EPHA3: variants seen among roughly 807,000 people sequenced by gnomAD.
The protein encoded by EPHA3 is EPH receptor A3.
A neutral mutation model predicts 107.1 loss-of-function variants in EPHA3; 42 were observed. The observed-to-expected ratio is 0.39, with a 90% CI of 0.31 to 0.51. EPHA3 has a LOEUF of 0.51. Among genes scored for constraint, EPHA3 ranks in the 20% least tolerant of loss-of-function variants. EPHA3 has a pLI of 0.78. For missense variants in EPHA3, 1,183 were observed against 1,211.2 expected, an observed-to-expected ratio of 0.98 and a Z score of 0.35; for synonymous variants, 461 against 424.8, an observed-to-expected ratio of 1.09 and a Z score of -1.05.
intron 2 of EPHA3, among the ~76,000 whole-genome samples, chr3:89,162,742 G>A (rs141922763): frequency 6.6e-6 from 1 of 152,310 alleles, no homozygotes; most frequent in African/African-American, 2.4e-5. Context: ...ACTGAGAGGG[G>A]CTTTTAGAAA....
chr3:89,300,075 A>T (rs1706446646), intron 3 of EPHA3, among the ~76,000 whole-genome samples: 1 of 152,074 alleles, frequency 6.6e-6, no homozygotes, highest in Non-Finnish European at 1.5e-5. Context: ...CCAGGACTTG[A>T]TTCACAGTAC....
intron 3 of EPHA3, among the ~76,000 whole-genome samples, chr3:89,230,828 A>T (rs35669065): frequency 0.13 from 18,166 of 141,870 alleles, 1,222 homozygotes; most frequent in African/African-American, 0.23. Context: ...TCTCTCTCAC[A>T]CACACACACA....
chr3:89,162,942 G>A (rs1167349889), intron 2 of EPHA3, among the ~76,000 whole-genome samples: 1 of 152,238 alleles, frequency 6.6e-6, no homozygotes, highest in East Asian at 1.9e-4. Flanking sequence ...CTTCAATGAA[G>A]AGGTATTCAG....
intron 2 of EPHA3, among the ~76,000 whole-genome samples, chr3:89,136,330 C>CTTTTTTTTGTTTTTTTTTTTTTT (rs1704310510): frequency 4.3e-5 from 1 of 23,370 alleles, no homozygotes; most frequent in African/African-American, 1.7e-4. Flanking sequence ...ATCTTACAGG[C>CTTTTTTTTGTTTTTTTTTTTTTT]TTTTTTTTTT....
At chr3:89,361,352 C>T (rs1221828395) in intron 5 of EPHA3, among the ~76,000 whole-genome samples, 1 of 150,834 alleles carries the variant, frequency 6.6e-6, no homozygotes, top group Non-Finnish European at 1.5e-5. Flanking sequence ...GACAGAACCA[C>T]AGATGTTCAG....
chr3:89,248,382 T>C (rs955486748), intron 3 of EPHA3, among the ~76,000 whole-genome samples: 2 of 152,206 alleles, frequency 1.3e-5, no homozygotes, highest in African/African-American at 4.8e-5. Context: ...TTATCACTCT[T>C]GGTTGCCTTT....
At chr3:89,358,400 A>C (rs1170039627) in intron 5 of EPHA3, among the ~76,000 whole-genome samples, 2 of 151,184 alleles carry the variant, frequency 1.3e-5, no homozygotes, top group Non-Finnish European at 3.0e-5. Context: ...GCAATAAATA[A>C]CACACTCAAT....
At chr3:89,272,992 G>T (rs150844334) in intron 3 of EPHA3, among the ~76,000 whole-genome samples, 12 of 151,936 alleles carry the variant, frequency 7.9e-5, no homozygotes, top group African/African-American at 2.9e-4. Flanking sequence ...ACTTACATTG[G>T]TTAAGTGACT....
intron 15 of EPHA3, among the ~76,000 whole-genome samples, chr3:89,459,483 TTCCTTCTC>T (rs201391099): frequency 0.07 from 9,938 of 141,134 alleles, 493 homozygotes; most frequent in African/African-American, 0.15. Flanking sequence ...CCTTCTCTCC[TTCCTTCTC>T]TCCTTCCTTC....
chr3:89,314,200 G>A (rs1706838373), intron 3 of EPHA3, among the ~76,000 whole-genome samples: 2 of 151,854 alleles, frequency 1.3e-5, no homozygotes, highest in South Asian at 2.1e-4. Flanking sequence ...GTCAAATTTA[G>A]TTGCTATCTT....
chr3:89,112,476 C>T (rs1411600775), intron 1 of EPHA3, among the ~76,000 whole-genome samples: 3 of 151,706 alleles, frequency 2.0e-5, no homozygotes, highest in South Asian at 2.1e-4. Context: ...TAATACTTTT[C>T]CACAATAAAT....
chr3:89,422,062 T>C (rs1709362412), intron 11 of EPHA3, among the ~76,000 whole-genome samples: 1 of 151,202 alleles, frequency 6.6e-6, no homozygotes, highest in South Asian at 2.1e-4. Flanking sequence ...ATTGTAAATA[T>C]AATAGAGTAG....
chr3:89,209,591 C>T (rs1395486406), intron 2 of EPHA3, among the ~76,000 whole-genome samples: 1 of 151,954 alleles, frequency 6.6e-6, no homozygotes, highest in Non-Finnish European at 1.5e-5. Flanking sequence ...GGTTTTGATC[C>T]TGGAATGTTT....
intron 3 of EPHA3, among the ~76,000 whole-genome samples, chr3:89,254,441 T>A (rs78636289): frequency 0.012 from 1,764 of 152,262 alleles, 28 homozygotes; most frequent in African/African-American, 0.038. Context: ...CTGGAATTAT[T>A]TTCTCAGGCC....
chr3:89,116,631 T>C (rs1475636119), intron 1 of EPHA3, among the ~76,000 whole-genome samples: 1 of 150,798 alleles, frequency 6.6e-6, no homozygotes, highest in Non-Finnish European at 1.5e-5. Flanking sequence ...TCTGTTAACC[T>C]GGCAAAGAGC....
intron 3 of EPHA3, among the ~76,000 whole-genome samples, chr3:89,228,990 C>T (rs1576248004): frequency 2.0e-5 from 3 of 151,874 alleles, no homozygotes; most frequent in South Asian, 2.1e-4. Flanking sequence ...ATGTTTAAGC[C>T]GAAGCTCTTA....
Position 89,481,609 on chromosome 3 carries a change from A to C in EPHA3, c.*2107A>C. ...GAGGATTGTTGAATCTATTTCACTT[A>C]TTTTGGCTGTGGTTTCCATCTGAAA... On this transcript the variant is annotated 3_prime_UTR_variant, in exon 17 of 17. Transcript: ENST00000336596. 4.3e-6 allele frequency: 1 copy of C among 232,624 alleles called. No individual in the cohort carries two copies. Among genetic ancestry groups the C allele is most frequent in the Non-Finnish European group, 8.5e-6 (1 of 117,424 alleles). The allele number at this position is 232,624 out of a possible 1,614,324, so 14.4% of individuals were successfully genotyped here.
At position 89,481,775 on chromosome 3, in the gene EPHA3, A is replaced by G. The variant is rs1308377223; in HGVS notation, c.*2273A>G. 8.6e-6 allele frequency: 2 copies of G among 231,988 alleles called. No homozygotes were observed. Among genetic ancestry groups the G allele is most frequent in the East Asian group, 1.2e-4 (2 of 16,332 alleles). The allele number at this position is 231,988 out of a possible 1,614,324, so 14.4% of individuals were successfully genotyped here. A position where few individuals can be genotyped will look rare whatever the true frequency, so the allele number is the denominator to read the frequency against. The stretch of plus-strand genomic sequence containing the variant: ...CGATTCTTAACCATGGAGTAGAGGT[A>G]CTAGAATGCTTACGGCCATCTCTTT... On this transcript the variant is annotated 3_prime_UTR_variant, in exon 17 of 17. Transcript: ENST00000336596.
intron 2 of EPHA3, among the ~76,000 whole-genome samples, chr3:89,184,133 C>A (rs1225004962): frequency 6.6e-6 from 1 of 151,904 alleles, no homozygotes; most frequent in African/African-American, 2.4e-5. Context: ...ATAGAGATCA[C>A]TGGAAAATGA....
Sources: gnomAD v4.1 joint callset for allele counts (sites outside exome capture counted in the v4.1 genomes callset) on GRCh38, gnomAD v4.1.1 for gene constraint, MANE v1.5 for transcripts, NCBI Gene and HGNC (gene_info 2026-07-23, HGNC 2026-07-21) for gene names.